NDFIP1: variants seen among roughly 807,000 people sequenced by gnomAD.
The protein encoded by NDFIP1 is NEDD4 family-interacting protein 1.
A neutral mutation model predicts 28.8 loss-of-function variants in NDFIP1; 7 were observed. That is an observed-to-expected ratio of 0.24 (90% confidence interval 0.14 to 0.46). The LOEUF is 0.46. Among genes scored for constraint, NDFIP1 ranks in the 20% least tolerant of loss-of-function variants. The pLI is 0.99. For synonymous variants in NDFIP1, 92 were observed against 101.0 expected (o/e 0.91, Z 0.53); for missense variants, 194 against 269.1 (o/e 0.72, Z 1.95).
intron 3 of NDFIP1, 55 bp from the exon 4 acceptor site, chr5:142,135,675 A>G (rs1757268091): frequency 3.3e-6 from 5 of 1,510,918 alleles, no homozygotes; most frequent in Admixed American, 1.7e-5. Context: ...TTAACCCTTC[A>G]TTTTTCTTTA....
At chr5:142,147,719 TG>T (rs1757405337) in intron 7 of NDFIP1, among the ~76,000 whole-genome samples, 1 of 152,254 alleles carries the variant, frequency 6.6e-6, no homozygotes, top group South Asian at 2.1e-4. Context: ...CTAACTGTCA[TG>T]TACAGTGATT....
intron 1 of NDFIP1, among the ~76,000 whole-genome samples, chr5:142,124,913 C>T (rs1462470104): frequency 1.3e-5 from 2 of 152,118 alleles, no homozygotes; most frequent in Non-Finnish European, 2.9e-5. Flanking sequence ...GCAAGCTCCA[C>T]CTCCCGGGTT....
rs1186287389 is a variant in NDFIP1 at position 142,140,623 on chromosome 5, G to A, written c.556G>A (p.Val186Ile). Residue 186 changes from valine to isoleucine, a missense_variant, in exon 6 of 8, where the codon GTT becomes ATT. Physicochemically the swap from Val to Ile is conservative, Grantham distance 29 (BLOSUM62 3). Coordinates refer to ENST00000253814, the MANE Select transcript of NDFIP1 (RefSeq NM_030571.4). ...GTACTGGCTCTGGTGGGTGTTCCTT[G>A]TTTTAGGTAAGTGTTTTTAATGTAA... ...GQYWLWWVFL[V>I]LGFLLFLRGF... The A allele has an allele frequency of 6.2e-7, 1 of 1,609,994 alleles. No individual in the cohort carries two copies. Among genetic ancestry groups the A allele is most frequent in the Admixed American group, 1.7e-5 (1 of 59,388 alleles).
chr5:142,128,705 T>C (rs1454438222), intron 1 of NDFIP1, among the ~76,000 whole-genome samples: 1 of 152,252 alleles, frequency 6.6e-6, no homozygotes, highest in African/African-American at 2.4e-5. Context: ...GTCTTGGGAT[T>C]ATACCATAGT....
chr5:142,125,808 A>G, intron 1 of NDFIP1, among the ~76,000 whole-genome samples: 1 of 152,172 alleles, frequency 6.6e-6, no homozygotes, highest in Non-Finnish European at 1.5e-5. Context: ...CCATCCTAGT[A>G]AGCATGAAGT....
intron 3 of NDFIP1, among the ~76,000 whole-genome samples, chr5:142,133,804 G>T (rs1757248496): frequency 6.6e-6 from 1 of 152,138 alleles, no homozygotes; most frequent in Admixed American, 6.6e-5. Context: ...GTTCCTCATT[G>T]TTATTCAAAA....
intron 1 of NDFIP1, among the ~76,000 whole-genome samples, chr5:142,126,603 G>A (rs185496147): frequency 6.6e-6 from 1 of 152,266 alleles, no homozygotes; most frequent in East Asian, 1.9e-4. Flanking sequence ...GTTTTGTTTA[G>A]TGTAGGGTTT....
At chr5:142,123,267 C>G (rs985812529) in intron 1 of NDFIP1, among the ~76,000 whole-genome samples, 2 of 151,996 alleles carry the variant, frequency 1.3e-5, no homozygotes, top group Non-Finnish European at 2.9e-5. Flanking sequence ...CTGGCCCAAA[C>G]AAGTGATTTT....
rs1377395675 is a variant in NDFIP1, at chr5:142,152,592, G to A, written c.*864G>A. 1 of 137,620 alleles carries A rather than the reference G, an allele frequency of 7.3e-6. No individual in the cohort carries two copies. The highest frequency in any genetic ancestry group is 1.5e-5 in the Non-Finnish European group (1 of 65,828). 8.5% of individuals were successfully genotyped at this position (137,620 alleles called of 1,614,324 possible). On this transcript the variant is annotated 3_prime_UTR_variant, in exon 8 of 8. Transcript: ENST00000253814. ...TAGGTACTTAGGAGCAAAGAAAGAAGTAGCTTGGAACTTTTGAGATGATCC... is the reference window on the plus strand; with the variant it reads ...TAGGTACTTAGGAGCAAAGAAAGAAATAGCTTGGAACTTTTGAGATGATCC...
At chr5:142,121,382 T>C (rs1757120297) in intron 1 of NDFIP1, among the ~76,000 whole-genome samples, 1 of 152,242 alleles carries the variant, frequency 6.6e-6, no homozygotes, top group African/African-American at 2.4e-5. Context: ...AAAGCCATAC[T>C]ATTCTTTTCA....
At chr5:142,130,607 A>G (rs919678327) in intron 1 of NDFIP1, among the ~76,000 whole-genome samples, 3 of 152,034 alleles carry the variant, frequency 2.0e-5, no homozygotes, top group African/African-American at 7.3e-5. Flanking sequence ...CAAAACATAA[A>G]TTTTAAAAAA....
At chr5:142,146,993 A>T (rs1757395979) in intron 7 of NDFIP1, among the ~76,000 whole-genome samples, 1 of 152,186 alleles carries the variant, frequency 6.6e-6, no homozygotes, top group Non-Finnish European at 1.5e-5. Flanking sequence ...GGGAGATTCA[A>T]GTGTTGAGCC....
intron 1 of NDFIP1, among the ~76,000 whole-genome samples, chr5:142,117,104 C>T (rs1757076221): frequency 6.6e-6 from 1 of 152,156 alleles, no homozygotes; most frequent in South Asian, 2.1e-4. Context: ...TAGTTTATCT[C>T]AGCAATATTA....
At chr5:142,139,763 G>T (rs566510596) in intron 5 of NDFIP1, among the ~76,000 whole-genome samples, 2 of 152,208 alleles carry the variant, frequency 1.3e-5, no homozygotes, top group Admixed American at 6.5e-5. Context: ...GAAGGCAATG[G>T]TATCATCTAC....
At chr5:142,128,748 A>C (rs1335904147) in intron 1 of NDFIP1, among the ~76,000 whole-genome samples, 1 of 152,174 alleles carries the variant, frequency 6.6e-6, no homozygotes. Flanking sequence ...TTTATTTTTC[A>C]ATTGAAAAAA....
intron 1 of NDFIP1, among the ~76,000 whole-genome samples, chr5:142,130,538 A>G (rs181875834): frequency 2.0e-5 from 3 of 152,182 alleles, no homozygotes; most frequent in Non-Finnish European, 2.9e-5. Flanking sequence ...AAAAGTATAC[A>G]TCACTTGAGG....
At chr5:142,133,995 T>C (rs1757250742) in intron 3 of NDFIP1, 1 of 152,188 alleles carries the variant, frequency 6.6e-6, no homozygotes, top group Non-Finnish European at 1.5e-5. Flanking sequence ...AGAAAGCAGG[T>C]GTGAATTCAG....
At chr5:142,139,382 G>A (rs939673164) in intron 5 of NDFIP1, among the ~76,000 whole-genome samples, 3 of 144,652 alleles carry the variant, frequency 2.1e-5, no homozygotes, top group Admixed American at 1.4e-4. Flanking sequence ...GACAAGGTTA[G>A]TTAAGTCAGT....
At chr5:142,124,456 C>T (rs1412170344) in intron 1 of NDFIP1, among the ~76,000 whole-genome samples, 5 of 152,124 alleles carry the variant, frequency 3.3e-5, no homozygotes, top group Non-Finnish European at 5.9e-5. Context: ...TTTCTAAGGA[C>T]TCATTCTAAC....
Sources: allele counts gnomAD v4.1 joint callset (sites outside exome capture counted in the v4.1 genomes callset), GRCh38; gene constraint gnomAD v4.1.1; transcripts MANE v1.5; gene names NCBI Gene and HGNC (gene_info 2026-07-23, HGNC 2026-07-21).